CACNG6: variants seen among roughly 807,000 people sequenced by gnomAD.
CACNG6 encodes the protein calcium voltage-gated channel auxiliary subunit gamma 6.
A neutral mutation model predicts 23.9 loss-of-function variants in CACNG6; 21 were observed. The ratio of observed to expected loss-of-function variants is 0.88; its 90% CI spans 0.62 to 1.26. The LOEUF (loss-of-function observed/expected upper bound fraction) is 1.26. Among genes scored for constraint, CACNG6 ranks in the 50% most tolerant of loss-of-function variants. The pLI is 0.00. For missense variants in CACNG6, 340 were observed against 352.9 expected (o/e 0.96, Z 0.29); for synonymous variants, 182 against 168.9 (o/e 1.08, Z -0.60).
chr19:54,010,347 AC>A (rs1460143847), intron 3 of CACNG6, among the ~76,000 whole-genome samples: 4 of 151,598 alleles, frequency 2.6e-5, no homozygotes, highest in African/African-American at 9.7e-5. Context: ...ATGGGATTTC[AC>A]CTTGTTGGCC....
rs11305908 is a variant in CACNG6 at position 54,002,484 on chromosome 19, CTT to C, written c.544+2726_544+2727del. Among the ~76,000 whole-genome samples the C allele has an allele frequency of 7.7e-3, 1,089 of 141,410 alleles. 20 individuals are homozygous for C. The highest frequency in any genetic ancestry group is 0.053 in the East Asian group (261 of 4,896). The allele number at this position is 141,410 out of a possible 152,430, so 92.8% of individuals were successfully genotyped here. A position where few individuals can be genotyped will look rare whatever the true frequency, so the allele number is the denominator to read the frequency against. ...CTCTCCCTCCAATCATCTATTTCTC[CTT>C]TTTTTTTTTTTTACTTGTCCATTCA... On this transcript the variant is annotated intron_variant, in intron 3 of 3. Coordinates refer to ENST00000252729, the MANE Select transcript of CACNG6 (RefSeq NM_145814.2).
chr19:53,994,636 A>C (rs1416072654), intron 1 of CACNG6, among the ~76,000 whole-genome samples: 3 of 152,142 alleles, frequency 2.0e-5, no homozygotes, highest in African/African-American at 7.2e-5. Flanking sequence ...AGACGGTCCT[A>C]TCATCCCAGT....
intron 3 of CACNG6, among the ~76,000 whole-genome samples, chr19:54,003,723 C>T (rs922316770): frequency 2.0e-5 from 3 of 152,142 alleles, no homozygotes; most frequent in Admixed American, 2.0e-4. Context: ...ACACTTCCCT[C>T]GGTTTCACTA....
chr19:53,998,367 C>A, intron 2 of CACNG6, 54 bp downstream of exon 2: 1 of 1,510,280 alleles, frequency 6.6e-7, no homozygotes. Context: ...GCTGAGCGTG[C>A]TGGAGGAGTT....
chr19:54,004,773 C>T (rs987923719), intron 3 of CACNG6, among the ~76,000 whole-genome samples: 1 of 152,124 alleles, frequency 6.6e-6, no homozygotes, highest in Non-Finnish European at 1.5e-5. Context: ...AGCGTTCTTC[C>T]GCCGGCGCTT....
rs909294734 is a variant in CACNG6, at chr19:53,992,958, C to G, written c.81C>G (p.Gly27=). 8.5e-6 allele frequency: 12 copies of G among 1,419,276 alleles called. No homozygotes were observed. In the African/African-American group the frequency reaches 1.2e-4, roughly 14 times the overall value. 87.9% of individuals were successfully genotyped at this position (1,419,276 alleles called of 1,614,324 possible). ...AAGRRRAHGQ[G]RSGLTPEREG... The stretch of plus-strand genomic sequence containing the variant: ...GCCGGCGGCGGGCGCACGGGCAGGG[C>G]AGGTCGGGGCTGACGCCCGAGCGCG... Residue 27 remains glycine (G), a synonymous_variant, in exon 1 of 4, where the codon GGC becomes GGG. Transcript: ENST00000252729. The surrounding 1 kb of genome is among the most constrained non-coding windows in gnomAD (Gnocchi z 4.1).
At chr19:54,011,205 A>AAAAAAAAT (rs58054808) in intron 3 of CACNG6, among the ~76,000 whole-genome samples, 1 of 102,508 alleles carries the variant, frequency 9.8e-6, no homozygotes, top group African/African-American at 4.9e-5. Context: ...AAAAAAAAAA[A>AAAAAAAAT]ATATATATAT....
At chr19:54,010,642 A>G (rs2069695881) in intron 3 of CACNG6, among the ~76,000 whole-genome samples, 1 of 151,930 alleles carries the variant, frequency 6.6e-6, no homozygotes, top group Admixed American at 6.6e-5. Flanking sequence ...TGGTGTGATC[A>G]CGGTTCACTG....
intron 2 of CACNG6, 128 bp from the exon 3 acceptor site, chr19:53,999,506 A>C: frequency 9.6e-7 from 1 of 1,040,130 alleles, no homozygotes; most frequent in South Asian, 1.5e-5. Context: ...GGGCTGGATG[A>C]TACTCTACTT....
Position 54,011,987 on chromosome 19 carries a change from A to T in CACNG6, c.581A>T (p.His194Leu). 6.3e-7 allele frequency: 1 copy of T among 1,588,552 alleles called. No homozygotes were observed. The highest frequency in any genetic ancestry group is 1.1e-5 in the South Asian group (1 of 88,132). ...LLLVSLEVFRHSVRALLQRVS... is the reference protein window; with the variant it reads ...LLLVSLEVFRLSVRALLQRVS... The stretch of plus-strand genomic sequence containing the variant: ...TTGGTGAGCCTGGAGGTGTTCCGGC[A>T]TTCCGTGAGGGCCCTGCTGCAGAGA... The change falls in exon 4 of 4, where the codon CAT becomes CTT. Residue 194 changes from histidine to leucine, a missense_variant. Physicochemically the swap from His to Leu is moderately conservative, Grantham distance 99. Transcript: ENST00000252729.
Position 53,992,956 on chromosome 19 carries a change from G to A in CACNG6, c.79G>A (p.Gly27Ser). 7.0e-7 allele frequency: 1 copy of A among 1,419,748 alleles called. No homozygotes were observed. The highest frequency in any genetic ancestry group is 1.5e-5 in the African/African-American group (1 of 66,728). The allele number at this position is 1,419,748 out of a possible 1,614,324, so 87.9% of individuals were successfully genotyped here. The change falls in exon 1 of 4, where the codon GGC becomes AGC. Residue 27 changes from glycine (G) to serine (S), a missense_variant. By Grantham distance (56) the Gly-to-Ser change is moderately conservative. Transcript: ENST00000252729. This position sits in a 1 kb window ranked among gnomAD's most constrained non-coding sequence, Gnocchi z 4.1. Reference protein sequence around the residue: ...AAGRRRAHGQGRSGLTPEREG... With the variant: ...AAGRRRAHGQSRSGLTPEREG... ...GGGCCGGCGGCGGGCGCACGGGCAG[G>A]GCAGGTCGGGGCTGACGCCCGAGCG... is the stretch of plus-strand genomic sequence containing the variant.
chr19:53,993,350 C>T, intron 1 of CACNG6, 142 bp downstream of exon 1: 7 of 785,794 alleles, frequency 8.9e-6, no homozygotes, highest in Non-Finnish European at 1.4e-5. Context: ...AGCGCCAGTG[C>T]CCACTTCGTC....
At position 53,992,834 on chromosome 19, in the gene CACNG6, G is replaced by A. The variant is rs2069475415; in HGVS notation, c.-44G>A. The A allele has an allele frequency of 1.5e-6, 2 of 1,330,124 alleles. No individual in the cohort carries two copies. The highest frequency in any genetic ancestry group is 3.1e-5 in the Admixed American group (1 of 32,720). 82.4% of individuals were successfully genotyped at this position (1,330,124 alleles called of 1,614,324 possible). A position where few individuals can be genotyped will look rare whatever the true frequency, so the allele number is the denominator to read the frequency against. On this transcript the variant is annotated 5_prime_UTR_variant, in exon 1 of 4. Transcript: ENST00000252729. The surrounding 1 kb of genome is among the most constrained non-coding windows in gnomAD (Gnocchi z 4.1). ...TCGCTCCCGCCCCTCGAGGCCCTTC[G>A]CCGGCTCTGCCTCCTCCCCCTTCCC...
intron 3 of CACNG6, among the ~76,000 whole-genome samples, chr19:54,011,637 AGAACGATTTGC>A: frequency 6.6e-6 from 1 of 152,010 alleles, no homozygotes; most frequent in Middle Eastern, 3.4e-3. Context: ...ATCCACCTTC[AGAACGATTTGC>A]GTCTTCCCCA....
chr19:54,007,896 T>C (rs376058414), intron 3 of CACNG6, among the ~76,000 whole-genome samples: 2 of 142,464 alleles, frequency 1.4e-5, no homozygotes, highest in African/African-American at 5.4e-5. Context: ...ACCTTGTCAC[T>C]AAAAAAGAGA....
At chr19:53,997,913 C>T (rs1194447193) in intron 1 of CACNG6, among the ~76,000 whole-genome samples, 1 of 152,164 alleles carries the variant, frequency 6.6e-6, no homozygotes, top group Non-Finnish European at 1.5e-5. Context: ...TGTAATCCCA[C>T]TTGACCCTCA....
intron 1 of CACNG6, among the ~76,000 whole-genome samples, chr19:53,994,062 T>G (rs557284073): frequency 6.6e-6 from 1 of 152,016 alleles, no homozygotes; most frequent in African/African-American, 2.4e-5. Flanking sequence ...CCACTCTGCA[T>G]GTGCCCACAG....
rs1054205333 is a variant in CACNG6 at position 53,992,170 on chromosome 19, TCTC to T, written c.-705_-703del. ...TGAGCCCCAGCCAGGGCTCTGTTCT[TCTC>T]CTTCTGTGGATGCCGGGGTCCTACT... On this transcript the variant is annotated 5_prime_UTR_variant, in exon 1 of 4. Transcript: ENST00000252729. The surrounding 1 kb of genome is among the most constrained non-coding windows in gnomAD (Gnocchi z 4.1). 3 of 152,370 alleles carry T rather than the reference TCTC, an allele frequency of 2.0e-5. No homozygotes were observed. Among genetic ancestry groups the T allele is most frequent in the South Asian group, 2.1e-4 (1 of 4,822 alleles). 9.4% of individuals were successfully genotyped at this position (152,370 alleles called of 1,614,324 possible).
chr19:54,009,901 G>A (rs1418367829), intron 3 of CACNG6, among the ~76,000 whole-genome samples: 1 of 150,000 alleles, frequency 6.7e-6, no homozygotes, highest in Non-Finnish European at 1.5e-5. Context: ...TCCAGCCTGG[G>A]TGTAAGAGCG....
Sources: allele counts gnomAD v4.1 joint callset (sites outside exome capture counted in the v4.1 genomes callset), GRCh38; gene constraint gnomAD v4.1.1; non-coding constraint Gnocchi (gnomAD v3.1); transcripts MANE v1.5; gene names NCBI Gene and HGNC (gene_info 2026-07-23, HGNC 2026-07-21).